ADAMTSL1: variants seen among roughly 807,000 people sequenced by gnomAD.
ADAMTSL1 encodes ADAMTS-like protein 1.
ADAMTSL1 carries 126 observed loss-of-function variants against 201.8 expected under a neutral mutation model. The ratio of observed to expected loss-of-function variants is 0.62; its 90% confidence interval spans 0.54 to 0.72. The LOEUF (loss-of-function observed/expected upper bound fraction) is 0.72, where lower values mean the gene tolerates loss of function less well. Ranked by LOEUF, ADAMTSL1 falls within the 30% of genes least tolerant of loss-of-function variation. ADAMTSL1 has a pLI of 0.00. For synonymous variants in ADAMTSL1, 1,121 were observed against 903.4 expected (o/e 1.24, Z -4.32); for missense variants, 2,679 against 2,277.8 (o/e 1.18, Z -3.59).
intron 23 of ADAMTSL1, among the ~76,000 whole-genome samples, chr9:18,872,950 G>C (rs1397376366): frequency 6.6e-6 from 1 of 152,134 alleles, no homozygotes; most frequent in Admixed American, 6.5e-5. Context: ...CAGTGTAAAA[G>C]TGTTCCTTTC....
intron 1 of ADAMTSL1, among the ~76,000 whole-genome samples, chr9:18,109,628 GACAA>G (rs1180306368): frequency 1.3e-5 from 2 of 152,104 alleles, no homozygotes; most frequent in Non-Finnish European, 1.5e-5. Flanking sequence ...GTCATCCTGG[GACAA>G]ACAGATTCAT....
chr9:18,432,111 CT>C (rs1819519222), intron 2 of ADAMTSL1, among the ~76,000 whole-genome samples: 1 of 152,136 alleles, frequency 6.6e-6, no homozygotes, highest in Non-Finnish European at 1.5e-5. Flanking sequence ...TAACTTTGGT[CT>C]GTTGTTCTGG....
chr9:18,794,538 A>G (rs758608414), intron 19 of ADAMTSL1, among the ~76,000 whole-genome samples: 1 of 152,126 alleles, frequency 6.6e-6, no homozygotes, highest in Non-Finnish European at 1.5e-5. Context: ...TCCTTCAAAT[A>G]TGTGTAAGAT....
At position 18,712,854 on chromosome 9, in the gene ADAMTSL1, G is replaced by A. The variant is rs1832698082; in HGVS notation, c.1876+5806G>A. 3.4e-5 allele frequency among the ~76,000 whole-genome samples: 5 copies of A among 148,996 alleles called. No individual in the cohort carries two copies. The South Asian group carries it at 1.1e-3, about 33-fold the overall frequency. Reference sequence around the variant, plus strand: ...ATGTTAAGGGCAGCCAGAGAGAAAGGTCGGGTTACCCTCAAAGGGAAGCCC... The same window carrying A: ...ATGTTAAGGGCAGCCAGAGAGAAAGATCGGGTTACCCTCAAAGGGAAGCCC... On this transcript the variant is annotated intron_variant, in intron 14 of 28. Coordinates refer to ENST00000380548, the MANE Select transcript of ADAMTSL1 (RefSeq NM_001040272.6).
chr9:18,561,262 T>C (rs187711336), intron 3 of ADAMTSL1, among the ~76,000 whole-genome samples: 3 of 152,366 alleles, frequency 2.0e-5, no homozygotes, highest in Admixed American at 6.5e-5. Context: ...AAAGAACTTA[T>C]TTATTTCTGC....
At chr9:18,726,696 A>G (rs487882) in intron 15 of ADAMTSL1, among the ~76,000 whole-genome samples, 125,745 of 152,134 alleles carry the variant, frequency 0.83, 52,253 homozygotes, top group Admixed American at 0.89. Flanking sequence ...GTGGAGGAGG[A>G]GAATTAAGTA....
chr9:18,612,428 C>T (rs1454840469), intron 4 of ADAMTSL1, among the ~76,000 whole-genome samples: 1 of 152,148 alleles, frequency 6.6e-6, no homozygotes, highest in Non-Finnish European at 1.5e-5. Context: ...TAGGCTGAAT[C>T]CATTCATTCA....
At chr9:18,717,993 A>G in intron 14 of ADAMTSL1, 1 of 1,591,634 alleles carries the variant, frequency 6.3e-7, no homozygotes, top group Non-Finnish European at 8.6e-7. Context: ...TGACATGATG[A>G]CTTTTTGCGA....
intron 2 of ADAMTSL1, among the ~76,000 whole-genome samples, chr9:18,352,391 A>C (rs1021775805): frequency 3.9e-5 from 6 of 152,176 alleles, no homozygotes; most frequent in African/African-American, 1.4e-4. Flanking sequence ...TCTTCCTTCT[A>C]CCCATCCTAC....
At chr9:18,685,349 G>A (rs531312834) in intron 13 of ADAMTSL1, among the ~76,000 whole-genome samples, 17 of 152,166 alleles carry the variant, frequency 1.1e-4, no homozygotes, top group East Asian at 3.8e-4. Context: ...CTGTAAAACC[G>A]TGAGGCCCAG....
At chr9:18,704,358 A>T (rs1217478918) in intron 13 of ADAMTSL1, among the ~76,000 whole-genome samples, 2 of 152,194 alleles carry the variant, frequency 1.3e-5, no homozygotes, top group East Asian at 3.9e-4. Flanking sequence ...AGGGCTCTTT[A>T]TAAGCAACAG....
intron 15 of ADAMTSL1, among the ~76,000 whole-genome samples, chr9:18,737,166 A>C (rs955623253): frequency 6.6e-6 from 1 of 152,018 alleles, no homozygotes; most frequent in African/African-American, 2.4e-5. Context: ...TAAAAATACA[A>C]AAATTAGCCG....
chr9:18,399,649 C>G (rs370074374), intron 2 of ADAMTSL1, among the ~76,000 whole-genome samples: 11 of 152,072 alleles, frequency 7.2e-5, no homozygotes, highest in African/African-American at 2.7e-4. Context: ...CCGCACCTGG[C>G]TACTTTACCT....
intron 2 of ADAMTSL1, among the ~76,000 whole-genome samples, chr9:18,368,151 G>C (rs1836864226): frequency 1.3e-5 from 2 of 151,864 alleles, no homozygotes; most frequent in East Asian, 1.9e-4. Context: ...TCCTGACCTC[G>C]TGATCCGCCT....
At chr9:18,894,116 G>A (rs911706673) in intron 26 of ADAMTSL1, among the ~76,000 whole-genome samples, 107 of 152,240 alleles carry the variant, frequency 7.0e-4, no homozygotes, top group African/African-American at 2.4e-3. Flanking sequence ...CTTGTATGCT[G>A]TACAAAGAAT....
chr9:18,610,139 G>A (rs73644621), intron 4 of ADAMTSL1, among the ~76,000 whole-genome samples: 2,726 of 152,250 alleles, frequency 0.018, 43 homozygotes, highest in African/African-American at 0.033. Context: ...CTGGTCTTAA[G>A]TGTGACATTT....
At chr9:18,582,928 C>T (rs1293527482) in intron 4 of ADAMTSL1, among the ~76,000 whole-genome samples, 1 of 151,804 alleles carries the variant, frequency 6.6e-6, no homozygotes, top group East Asian at 1.9e-4. Flanking sequence ...AGTTTCCCTG[C>T]ACAAGCTCTC....
chr9:18,513,448 A>G (rs1818161833), intron 2 of ADAMTSL1, among the ~76,000 whole-genome samples: 1 of 152,192 alleles, frequency 6.6e-6, no homozygotes, highest in African/African-American at 2.4e-5. Flanking sequence ...ATGGCCTCAG[A>G]GTTCATTCAT....
intron 20 of ADAMTSL1, among the ~76,000 whole-genome samples, chr9:18,802,199 C>T (rs1316332931): frequency 6.6e-6 from 1 of 152,032 alleles, no homozygotes; most frequent in Non-Finnish European, 1.5e-5. Flanking sequence ...TAGCTTGAGC[C>T]TAGGAGGTTG....
Sources: allele counts gnomAD v4.1 joint callset (sites outside exome capture counted in the v4.1 genomes callset), GRCh38; gene constraint gnomAD v4.1.1; transcripts MANE v1.5; gene names NCBI Gene and HGNC (gene_info 2026-07-23, HGNC 2026-07-21).